The following TAF9 variants were observed in gnomAD, a reference collection of about 807,000 sequenced individuals.
The protein encoded by TAF9 is TATA-box binding protein associated factor 9, also known as transcription initiation factor TFIID subunit 9.
A neutral mutation model predicts 16.5 loss-of-function variants in TAF9; 10 were observed. That is an observed-to-expected ratio of 0.61 (90% CI 0.37 to 1.03). The LOEUF (loss-of-function observed/expected upper bound fraction) is 1.03. Ranked by LOEUF, TAF9 falls within the 50% of genes least tolerant of loss-of-function variation. The pLI, the probability that TAF9 is intolerant of heterozygous loss-of-function variation, is 0.01. For synonymous variants in TAF9, 105 were observed against 120.5 expected, an observed-to-expected ratio of 0.87 and a Z score of 0.84; for missense variants, 288 against 319.1, an observed-to-expected ratio of 0.90 and a Z score of 0.74.
At chr5:69,369,370 C>A in intron 1 of TAF9, 93 bp downstream of exon 1, 1 of 1,434,586 alleles carries the variant, frequency 7.0e-7, no homozygotes, top group South Asian at 1.3e-5. Context: ...CTGAAGAGGG[C>A]AGTGAGGGGC....
Position 69,365,274 on chromosome 5 carries a change from C to T in TAF9, c.464G>A (p.Ser155Asn), listed in dbSNP as rs979365171. Reference sequence around the variant, plus strand: ...GCCTAGTGTGGGAGTACTTGGTCTGCTAGTAACTGAACCAACACTTAACCG... The same window carrying T: ...GCCTAGTGTGGGAGTACTTGGTCTGTTAGTAACTGAACCAACACTTAACCG... ...VPRLSVGSVT[S>N]RPSTPTLGTP... Residue 155 changes from serine to asparagine, a missense_variant, in exon 3 of 3, where the codon AGC becomes AAC. Physicochemically the swap from Ser to Asn is conservative, Grantham distance 46 (BLOSUM62 1). Transcript: ENST00000217893. 6.2e-7 allele frequency: 1 copy of T among 1,614,154 alleles called. No homozygotes were observed. The highest frequency in any genetic ancestry group is 1.1e-5 in the South Asian group (1 of 91,076).
At chr5:69,369,775 C>T, upstream of TAF9, 1 of 1,449,702 alleles carries the variant, frequency 6.9e-7, no homozygotes, top group South Asian at 1.2e-5. Context: ...GTGGTCCCCG[C>T]CCTTCGCTTG....
In TAF9 at chr5:69,365,055, G is replaced by C; in HGVS notation, c.683C>G (p.Thr228Ser). 6.2e-7 allele frequency: 1 copy of C among 1,613,974 alleles called. No individual in the cohort carries two copies. The highest frequency in any genetic ancestry group is 8.5e-7 in the Non-Finnish European group (1 of 1,179,850). ...LIGSKNILIT[T>S]NMMSSQNTAN... ...AGTATTTTGTGATGACATCATATTA[G>C]TGGTAATAAGAATGTTTTTGGACCC... is the stretch of plus-strand genomic sequence containing the variant. Residue 228 changes from threonine to serine, a missense_variant, in exon 3 of 3, where the codon ACT becomes AGT. Coordinates refer to ENST00000217893, the MANE Select transcript of TAF9 (RefSeq NM_003187.5).
Position 69,365,748 on chromosome 5 carries a change from G to T in TAF9, c.-11C>A. On this transcript the variant is annotated 5_prime_UTR_variant, in exon 3 of 3. Transcript: ENST00000217893. ...CTTGCCAGACTCCATGATATCCGAT[G>T]ATCAGACTTTAGATCATTTGAAAAA... 1.3e-6 allele frequency: 2 copies of T among 1,520,924 alleles called. No homozygotes were observed. Among genetic ancestry groups the T allele is most frequent in the East Asian group, 4.5e-5 (2 of 44,100 alleles). The allele number at this position is 1,520,924 out of a possible 1,614,324, so 94.2% of individuals were successfully genotyped here. A position where few individuals can be genotyped will look rare whatever the true frequency, so the allele number is the denominator to read the frequency against.
At chr5:69,368,102 C>A (rs1762568145) in intron 1 of TAF9, among the ~76,000 whole-genome samples, 1 of 152,114 alleles carries the variant, frequency 6.6e-6, no homozygotes, top group Non-Finnish European at 1.5e-5. Context: ...TAGAGATAAC[C>A]ACTGTAAACC....
Position 69,366,651 on chromosome 5 carries a change from G to A in TAF9, c.-110-56C>T, listed in dbSNP as rs4252226. 9,315 of 1,245,800 alleles carry A rather than the reference G, an allele frequency of 7.5e-3. 515 individuals are homozygous for A. The African/African-American group carries it at 0.12, about 15-fold the overall frequency. 77.2% of individuals were successfully genotyped at this position (1,245,800 alleles called of 1,614,324 possible). On this transcript the variant is annotated intron_variant, in intron 1 of 2. Transcript: ENST00000217893. ...TGTGAAATACTACTTATCACACTGC[G>A]GTCCACCTTCTGCCTTTCCTTTTAT...
intron 1 of TAF9, among the ~76,000 whole-genome samples, chr5:69,368,259 A>G (rs1762593090): frequency 6.6e-6 from 1 of 152,166 alleles, no homozygotes; most frequent in African/African-American, 2.4e-5. Flanking sequence ...CCCTTCTGAT[A>G]CCTATTAAAA....
intron 1 of TAF9, 191 bp downstream of exon 1, chr5:69,369,272 T>C (rs888506348): frequency 3.1e-5 from 4 of 127,454 alleles, no homozygotes; most frequent in Non-Finnish European, 5.8e-5. Context: ...GGAATTAACG[T>C]TCCGCGTCCC....
At position 69,365,665 on chromosome 5, in the gene TAF9, C is replaced by T; in HGVS notation, c.73G>A (p.Asp25Asn). Reference protein sequence around the residue: ...DAQMMAQILKDMGITEYEPRV... With the variant: ...DAQMMAQILKNMGITEYEPRV... The stretch of plus-strand genomic sequence containing the variant: ...GGCTCATATTCTGTAATCCCCATAT[C>T]CTTCAGGATTTGTGCCATCATCTGT... The change falls in exon 3 of 3, where the codon GAT (aspartate) becomes AAT (asparagine). Residue 25 changes from aspartate (D) to asparagine (N), a missense_variant. Coordinates refer to ENST00000217893, the MANE Select transcript of TAF9 (RefSeq NM_003187.5). 6 of 1,609,720 alleles carry T rather than the reference C, an allele frequency of 3.7e-6. No homozygotes were observed. Among genetic ancestry groups the T allele is most frequent in the Non-Finnish European group, 5.1e-6 (6 of 1,177,582 alleles).
intron 1 of TAF9, chr5:69,369,074 C>T (rs544422947): frequency 1.4e-5 from 4 of 295,174 alleles, no homozygotes; most frequent in Non-Finnish European, 2.5e-5. Flanking sequence ...ATGACTCTAC[C>T]GGGAAGCAGA....
rs769223849 is a variant in TAF9 at position 69,365,700 on chromosome 5, G to A, written c.38C>T (p.Pro13Leu). The A allele has an allele frequency of 1.3e-6, 2 of 1,585,870 alleles. No homozygotes were observed. Among genetic ancestry groups the A allele is most frequent in the Non-Finnish European group, 1.7e-6 (2 of 1,163,488 alleles). The change falls in exon 3 of 3, where the codon CCG (proline) becomes CTG (leucine). Residue 13 changes from proline to leucine, a missense_variant. Pro to Leu is a moderately conservative substitution (Grantham distance 98, BLOSUM62 -3). Coordinates refer to ENST00000217893, the MANE Select transcript of TAF9 (RefSeq NM_003187.5). The part of the protein sequence containing the change: ...SGKTASPKSM[P>L]KDAQMMAQIL... ...TTGTGCCATCATCTGTGCATCTTTC[G>A]GCATGCTCTTGGGAGAAGCCGTCTT...
At chr5:69,366,788 C>T (rs1413758944) in intron 1 of TAF9, 193 bp from the exon 2 acceptor site, 2 of 566,930 alleles carry the variant, frequency 3.5e-6, no homozygotes, top group Non-Finnish European at 3.2e-6. Flanking sequence ...GACAGAGTTT[C>T]ACTCTTGTCG....
At chr5:69,369,241 C>T (rs934854211) in intron 1 of TAF9, 6 of 240,078 alleles carry the variant, frequency 2.5e-5, no homozygotes, top group Admixed American at 1.8e-4. Flanking sequence ...CCCCCGCCCC[C>T]CCCCGGAGCC....
intron 1 of TAF9, 166 bp from the exon 2 acceptor site, chr5:69,366,761 T>A: frequency 1.7e-6 from 1 of 601,086 alleles, no homozygotes. Flanking sequence ...CAATCATATG[T>A]AAAATTTTTT....
intron 2 of TAF9, 110 bp from the exon 3 acceptor site, chr5:69,365,864 A>T: frequency 1.4e-6 from 1 of 728,762 alleles, no homozygotes; most frequent in Non-Finnish European, 2.0e-6. Flanking sequence ...AACTGTAAAA[A>T]AATTTTTAAA....
rs1157298359 is a variant in TAF9, at chr5:69,366,543, T to G, written c.-58A>C. 2 of 1,614,106 alleles carry G rather than the reference T, an allele frequency of 1.2e-6. No homozygotes were observed. Among genetic ancestry groups the G allele is most frequent in the Non-Finnish European group, 1.7e-6 (2 of 1,180,016 alleles). On this transcript the variant is annotated 5_prime_UTR_variant, in exon 2 of 3. Transcript: ENST00000217893. ...CACCCACATTAATGTATTTCAGTCC[T>G]GATTTTGACGCAAGTTCTTTGCCTA...
chr5:69,368,670 T>C (rs756296288), intron 1 of TAF9, among the ~76,000 whole-genome samples: 3 of 152,238 alleles, frequency 2.0e-5, no homozygotes, highest in Non-Finnish European at 4.4e-5. Flanking sequence ...CAAAGAGTCT[T>C]AATTTTTCTG....
In TAF9 at chr5:69,369,495, C is replaced by T. The variant is rs756551615; in HGVS notation, c.-143G>A. 6.2e-7 allele frequency: 1 copy of T among 1,611,584 alleles called. No individual in the cohort carries two copies. Among genetic ancestry groups the T allele is most frequent in the East Asian group, 2.2e-5 (1 of 44,814 alleles). On this transcript the variant is annotated 5_prime_UTR_variant, in exon 1 of 3. Transcript: ENST00000217893. ...CAGGATGTTCGGAAGCAACATGGTC[C>T]CCGCCGCGACGGCTTCGGGCGCCTC... is the stretch of plus-strand genomic sequence containing the variant.
chr5:69,369,372 G>A (rs554116654), intron 1 of TAF9, 91 bp downstream of exon 1: 10 of 1,470,154 alleles, frequency 6.8e-6, no homozygotes, highest in African/African-American at 1.5e-5. Flanking sequence ...GAAGAGGGCA[G>A]TGAGGGGCCC....
Sources: gnomAD v4.1 joint callset for allele counts (sites outside exome capture counted in the v4.1 genomes callset) on GRCh38, gnomAD v4.1.1 for gene constraint, MANE v1.5 for transcripts, NCBI Gene and HGNC (gene_info 2026-07-23, HGNC 2026-07-21) for gene names.